The following INPP4A variants were observed in gnomAD, a reference collection of about 807,000 sequenced individuals.
INPP4A encodes the protein inositol polyphosphate-4-phosphatase, type I, 107kD.
Under a neutral mutation model 119.8 loss-of-function variants are expected in INPP4A, and 33 were observed. The observed-to-expected ratio is 0.28, with a 90% CI of 0.21 to 0.37. INPP4A has a LOEUF of 0.37. INPP4A is among the 10% of genes least tolerant of loss of function. The pLI, the probability that INPP4A is intolerant of heterozygous loss-of-function variation, is 1.00. For synonymous variants in INPP4A, 496 were observed against 500.7 expected (o/e 0.99, Z 0.12); for missense variants, 956 against 1,289.9 (o/e 0.74, Z 3.97).
At chr2:98,503,825 C>G (rs1466447559) in intron 1 of INPP4A, among the ~76,000 whole-genome samples, 1 of 152,212 alleles carries the variant, frequency 6.6e-6, no homozygotes, top group Non-Finnish European at 1.5e-5. Context: ...TGCCCTGGTC[C>G]CTTCCCTATT....
rs41486345 is a variant in INPP4A at position 98,555,780 on chromosome 2, C to T, written c.1794C>T (p.Ser598=). The change falls in exon 16 of 25, where the codon TCC becomes TCT. Residue 598 remains serine, a synonymous_variant. Coordinates refer to ENST00000409851, the MANE Select transcript of INPP4A (RefSeq NM_001134225.2). The part of the protein sequence containing the change: ...PSSPCPSTMP[S]TACHPHLTTH... ...CACCATGCCCCTCCACCATGCCCTCCACTGCATGCCATCCTCATCTGACCA... is the reference window on the plus strand; with the variant it reads ...CACCATGCCCCTCCACCATGCCCTCTACTGCATGCCATCCTCATCTGACCA... 107,136 of 1,570,962 alleles carry T rather than the reference C, an allele frequency of 0.068. 4,915 individuals carry two copies. Among genetic ancestry groups the T allele is most frequent in the Non-Finnish European group, 0.074 (85,701 of 1,157,454 alleles).
intron 1 of INPP4A, among the ~76,000 whole-genome samples, chr2:98,451,174 C>G (rs1406393303): frequency 6.6e-6 from 1 of 152,180 alleles, no homozygotes; most frequent in African/African-American, 2.4e-5. Flanking sequence ...TTGTCATGCC[C>G]TATCAGGCTG....
intron 23 of INPP4A, among the ~76,000 whole-genome samples, chr2:98,576,624 T>C (rs1413392971): frequency 5.3e-5 from 8 of 152,158 alleles, no homozygotes; most frequent in African/African-American, 1.9e-4. Flanking sequence ...CCTCTTTCCC[T>C]GAGGGATCAG....
At chr2:98,491,730 C>G (rs941666737) in intron 1 of INPP4A, among the ~76,000 whole-genome samples, 1 of 152,162 alleles carries the variant, frequency 6.6e-6, no homozygotes, top group Non-Finnish European at 1.5e-5. Context: ...TAGGGGCACA[C>G]AGTCATGGGC....
In INPP4A at chr2:98,593,794, G is replaced by A. The variant is rs929568312; in HGVS notation, c.*6186G>A. The A allele has an allele frequency of 1.2e-4, 18 of 152,492 alleles. No homozygotes were observed. Among genetic ancestry groups the A allele is most frequent in the African/African-American group, 3.6e-4 (15 of 41,554 alleles). The allele number at this position is 152,492 out of a possible 1,614,324, so 9.4% of individuals were successfully genotyped here. On this transcript the variant is annotated 3_prime_UTR_variant, in exon 25 of 25. Coordinates refer to ENST00000409851, the MANE Select transcript of INPP4A (RefSeq NM_001134225.2). The stretch of plus-strand genomic sequence containing the variant: ...CATAATTTCCATCCATGCACCCCAA[G>A]GCCTGGTCTGTATCAGTCCCCTCGG...
chr2:98,542,847 A>G (rs1370058084), intron 10 of INPP4A, among the ~76,000 whole-genome samples: 2 of 151,416 alleles, frequency 1.3e-5, no homozygotes, highest in Non-Finnish European at 2.9e-5. Flanking sequence ...GCCTCTGTCA[A>G]GCACACACAT....
At chr2:98,501,543 C>G (rs113225628) in intron 1 of INPP4A, among the ~76,000 whole-genome samples, 5 of 152,322 alleles carry the variant, frequency 3.3e-5, no homozygotes, top group African/African-American at 7.2e-5. Flanking sequence ...CCCAGCCCCC[C>G]ATTCTCTGAA....
At chr2:98,583,125 A>G (rs1211030283) in intron 24 of INPP4A, among the ~76,000 whole-genome samples, 2 of 152,244 alleles carry the variant, frequency 1.3e-5, no homozygotes, top group Admixed American at 6.5e-5. Context: ...ACTCTTCACT[A>G]TGTAAGGATC....
At chr2:98,563,770 T>C in intron 18 of INPP4A, 133 bp downstream of exon 18, 1 of 858,270 alleles carries the variant, frequency 1.2e-6, no homozygotes, top group Non-Finnish European at 1.8e-6. Flanking sequence ...GGTGGTGCTT[T>C]AAAGGTTATT....
chr2:98,520,748 A>G lies in INPP4A; in HGVS notation c.151+17A>G. On this transcript the variant is annotated intron_variant, in intron 4 of 24. Coordinates refer to ENST00000409851, the MANE Select transcript of INPP4A (RefSeq NM_001134225.2). ...TTAGCTTAGGTAGGTATCTTTCATT[A>G]TTTTTTTGTTTTAAAAAATATTTTA... is the stretch of plus-strand genomic sequence containing the variant. 3 of 1,385,032 alleles carry G rather than the reference A, an allele frequency of 2.2e-6. No homozygotes were observed. Among genetic ancestry groups the G allele is most frequent in the Non-Finnish European group, 3.0e-6 (3 of 1,008,722 alleles). The allele number at this position is 1,385,032 out of a possible 1,614,324, so 85.8% of individuals were successfully genotyped here.
intron 1 of INPP4A, among the ~76,000 whole-genome samples, chr2:98,482,166 C>T (rs1309305965): frequency 6.6e-6 from 1 of 152,228 alleles, no homozygotes; most frequent in East Asian, 1.9e-4. Context: ...TAAAGTGGCA[C>T]AGCAGGTGAT....
chr2:98,465,915 G>A (rs1219530286), intron 1 of INPP4A, among the ~76,000 whole-genome samples: 1 of 152,100 alleles, frequency 6.6e-6, no homozygotes, highest in African/African-American at 2.4e-5. Flanking sequence ...TTCCTCTCTG[G>A]CTGTGTGCCC....
chr2:98,590,699 G>C lies in INPP4A; in HGVS notation c.*3091G>C, dbSNP rs927413029. On this transcript the variant is annotated 3_prime_UTR_variant, in exon 25 of 25. Transcript: ENST00000409851. The stretch of plus-strand genomic sequence containing the variant: ...GGACTGCATCTTGCACCACTGTGCC[G>C]TCTTCTAGGCACACACGACCCGTTA... The C allele has an allele frequency of 4.6e-6, 1 of 216,844 alleles. No individual in the cohort carries two copies. The highest frequency in any genetic ancestry group is 9.3e-6 in the Non-Finnish European group (1 of 107,972). The allele number at this position is 216,844 out of a possible 1,614,324, so 13.4% of individuals were successfully genotyped here.
chr2:98,565,782 A>G lies in INPP4A; in HGVS notation c.2279+16A>G, dbSNP rs1219937269. On this transcript the variant is annotated intron_variant, in intron 20 of 24. Transcript: ENST00000409851. ...CAGGAAATCGGTAGAGTGTTGGTTT[A>G]AAATTCTCTGAGCCAGAGAGCGGTT... is the stretch of plus-strand genomic sequence containing the variant. 1.9e-6 allele frequency: 3 copies of G among 1,607,626 alleles called. No homozygotes were observed. Among genetic ancestry groups the G allele is most frequent in the Admixed American group, 3.4e-5 (2 of 58,018 alleles).
At chr2:98,482,541 G>C (rs1678683685) in intron 1 of INPP4A, among the ~76,000 whole-genome samples, 1 of 152,234 alleles carries the variant, frequency 6.6e-6, no homozygotes, top group South Asian at 2.1e-4. Context: ...AGCAGAGAGG[G>C]GCAGCTGTGG....
chr2:98,538,292 A>G (rs1382928734), intron 8 of INPP4A, among the ~76,000 whole-genome samples: 1 of 152,178 alleles, frequency 6.6e-6, no homozygotes, highest in East Asian at 1.9e-4. Flanking sequence ...GTGGAGGGTG[A>G]GCAAAGAGGC....
At position 98,470,679 on chromosome 2, in the gene INPP4A, G is replaced by GT. The variant is rs928738814; in HGVS notation, c.-166+25600dup. Among the ~76,000 whole-genome samples, 64 of 148,680 alleles carry GT rather than the reference G, an allele frequency of 4.3e-4. 2 individuals carry two copies. Among genetic ancestry groups the GT allele is most frequent in the Non-Finnish European group, 1.3e-4 (9 of 67,042 alleles). ...CATTTCTTTTTTTCTTTTTTTTTTTGTTTTTTGAGACGGAGTCTTGCTCTG... is the reference window on the plus strand; with the variant it reads ...CATTTCTTTTTTTCTTTTTTTTTTTGTTTTTTTGAGACGGAGTCTTGCTCTG... On this transcript the variant is annotated intron_variant, in intron 1 of 24. Coordinates refer to ENST00000409851, the MANE Select transcript of INPP4A (RefSeq NM_001134225.2).
intron 1 of INPP4A, among the ~76,000 whole-genome samples, chr2:98,471,210 A>C (rs573226232): frequency 4.8e-4 from 73 of 152,264 alleles, no homozygotes; most frequent in African/African-American, 1.7e-3. Flanking sequence ...CTGTGGCTTC[A>C]CTGTAGATGG....
chr2:98,555,980 C>G, intron 16 of INPP4A, 172 bp downstream of exon 16: 5 of 696,574 alleles, frequency 7.2e-6, no homozygotes, highest in Non-Finnish European at 1.1e-5. Flanking sequence ...AGAGCGGAGT[C>G]TCCGGTTGCC....
Sources: gnomAD v4.1 joint callset for allele counts (sites outside exome capture counted in the v4.1 genomes callset) on GRCh38, gnomAD v4.1.1 for gene constraint, MANE v1.5 for transcripts, NCBI Gene and HGNC (gene_info 2026-07-23, HGNC 2026-07-21) for gene names.